Variants in GHRHR observed in about 807,000 individuals in gnomAD.
GHRHR encodes growth hormone releasing hormone receptor, also known as growth hormone-releasing hormone receptor.
In GHRHR, 40 loss-of-function variants were observed where a neutral mutation model predicts 58.3. The observed-to-expected ratio is 0.69, with a 90% CI of 0.53 to 0.89. The LOEUF is 0.89. Among genes scored for constraint, GHRHR ranks in the 40% least tolerant of loss-of-function variants. The pLI is 0.00. For missense variants in GHRHR, 551 were observed against 541.3 expected (o/e 1.02, Z -0.18); for synonymous variants, 249 against 216.6 (o/e 1.15, Z -1.31).
At position 30,975,781 on chromosome 7, in the gene GHRHR, A is replaced by G. The variant is rs1792563852; in HGVS notation, c.887A>G (p.Asn296Ser). The change falls in exon 10 of 13, where the codon AAC becomes AGC. Residue 296 changes from asparagine to serine, a missense_variant. Transcript: ENST00000326139. ...KGPIVLSVGV[N>S]FGLFLNIIRI... is the part of the protein sequence containing the mutation. ...TTCCTATGCCTCTATTTCCAGGTGAACTTTGGGCTTTTTCTCAATATTATC... is the reference window on the plus strand; with the variant it reads ...TTCCTATGCCTCTATTTCCAGGTGAGCTTTGGGCTTTTTCTCAATATTATC... 1.2e-6 allele frequency: 2 copies of G among 1,604,430 alleles called. No individual in the cohort carries two copies.
In GHRHR at chr7:30,974,073, G is replaced by A. The variant is rs1792528665; in HGVS notation, c.686G>A (p.Cys229Tyr). 1 of 1,613,998 alleles carries A rather than the reference G, an allele frequency of 6.2e-7. No homozygotes were observed. The highest frequency in any genetic ancestry group is 8.5e-7 in the Non-Finnish European group (1 of 1,179,982). Residue 229 changes from cysteine (C) to tyrosine (Y), a missense_variant, in exon 7 of 13, where the codon TGC becomes TAC. Cys to Tyr is a radical substitution (Grantham distance 194). Transcript: ENST00000326139. Reference protein sequence around the residue: ...WLLAEAVYLNCLLASTSPSSR... With the variant: ...WLLAEAVYLNYLLASTSPSSR... ...TTGGCAGAAGCCGTCTACCTGAACT[G>A]CCTCCTGGCCTCCACCTCCCCCAGC...
chr7:30,975,724 C>T, intron 9 of GHRHR, 53 bp from the exon 10 acceptor site: 2 of 1,070,944 alleles, frequency 1.9e-6, no homozygotes, highest in Non-Finnish European at 2.9e-6. Flanking sequence ...CCCCAGCCAC[C>T]CAAGGCTACC....
intron 10 of GHRHR, chr7:30,976,070 T>G (rs1584416328): frequency 6.6e-6 from 4 of 609,156 alleles, no homozygotes; most frequent in East Asian, 2.9e-5. Flanking sequence ...CCAGCTCCCA[T>G]GCCAAATAGA....
rs754378932 is a variant in GHRHR, at chr7:30,979,198, C to A, written c.1226C>A (p.Thr409Asn). The A allele has an allele frequency of 1.2e-6, 2 of 1,614,000 alleles. No homozygotes were observed. The highest frequency in any genetic ancestry group is 1.1e-5 in the South Asian group (1 of 91,082). Residue 409 changes from threonine to asparagine, a missense_variant, in exon 13 of 13, where the codon ACC (threonine) becomes AAC (asparagine). Physicochemically the swap from Thr to Asn is moderately conservative, Grantham distance 65. Coordinates refer to ENST00000326139, the MANE Select transcript of GHRHR (RefSeq NM_000823.4). ...LPAWRTRAKW[T>N]TPSRSAAKVL... ...GCCTGGAGGACCCGTGCTAAGTGGA[C>A]CACGCCTTCCCGCTCGGCGGCAAAG... is the stretch of plus-strand genomic sequence containing the variant.
At chr7:30,973,887 A>AG in intron 6 of GHRHR, 98 bp from the exon 7 acceptor site, 2 of 1,212,780 alleles carry the variant, frequency 1.6e-6, no homozygotes, top group Non-Finnish European at 2.4e-6. Flanking sequence ...CCTAACATGG[A>AG]GGGGCCTGGA....
At chr7:30,967,543 C>G (rs1426269944) in intron 1 of GHRHR, among the ~76,000 whole-genome samples, 1 of 152,156 alleles carries the variant, frequency 6.6e-6, no homozygotes, top group Non-Finnish European at 1.5e-5. Context: ...ACACATCCAT[C>G]CTTACACAGC....
intron 11 of GHRHR, 57 bp downstream of exon 11, chr7:30,976,615 G>C: frequency 2.6e-6 from 4 of 1,518,670 alleles, no homozygotes; most frequent in Non-Finnish European, 3.6e-6. Context: ...GGGAGGTGCT[G>C]TTGCCCACGG....
At position 30,974,554 on chromosome 7, in the gene GHRHR, G is replaced by A. The variant is rs140873999; in HGVS notation, c.812+65G>A. ...ACATGGGGTGTGGAGTGGACAGTCA[G>A]GCCATGGGCTGTTCTCCAGGCTGGG... On this transcript the variant is annotated intron_variant, in intron 8 of 12. Transcript: ENST00000326139. 1.2e-3 allele frequency: 1,379 copies of A among 1,120,682 alleles called. 7 individuals carry two copies. The African/African-American group carries it at 0.018, about 15-fold the overall frequency. The allele number at this position is 1,120,682 out of a possible 1,614,324, so 69.4% of individuals were successfully genotyped here. A position where few individuals can be genotyped will look rare whatever the true frequency, so the allele number is the denominator to read the frequency against.
chr7:30,976,358 G>A, intron 10 of GHRHR, 71 bp from the exon 11 acceptor site: 2 of 1,416,354 alleles, frequency 1.4e-6, no homozygotes, highest in South Asian at 1.2e-5. Flanking sequence ...GGTAGGAAGT[G>A]AGAGGAGATG....
At chr7:30,976,284 A>T in intron 10 of GHRHR, 145 bp from the exon 11 acceptor site, 1 of 748,658 alleles carries the variant, frequency 1.3e-6, no homozygotes, top group Non-Finnish European at 2.4e-6. Flanking sequence ...AAAAAAGCCC[A>T]GAGTGATTGT....
At chr7:30,972,145 G>GGATT (rs749974375) in intron 6 of GHRHR, 50 bp downstream of exon 6, 3 of 1,603,886 alleles carry the variant, frequency 1.9e-6, no homozygotes, top group Non-Finnish European at 2.6e-6. Context: ...AGAGGAGGTA[G>GGATT]GATTACAGAC....
chr7:30,973,991 T>C lies in GHRHR; in HGVS notation c.604T>C (p.Cys202Arg). 6.8e-6 allele frequency: 11 copies of C among 1,613,564 alleles called. No homozygotes were observed. Among genetic ancestry groups the C allele is most frequent in the South Asian group, 1.1e-5 (1 of 91,070 alleles). ...TDHCSFSTVL[C>R]KVSVAASHFA... The stretch of plus-strand genomic sequence containing the variant: ...CCCAGGTCCTGGCCCCCAGGTTCTA[T>C]GCAAGGTCTCTGTGGCCGCCTCCCA... The change falls in exon 7 of 13, where the codon TGC becomes CGC. Residue 202 changes from cysteine to arginine, a missense_variant. By Grantham distance (180) the Cys-to-Arg change is radical. Transcript: ENST00000326139.
At chr7:30,973,949 G>A in intron 6 of GHRHR, 36 bp from the exon 7 acceptor site, 10 of 1,608,210 alleles carry the variant, frequency 6.2e-6, no homozygotes, top group East Asian at 2.2e-5. Context: ...TCCAGTGGGT[G>A]TCCCAGCTCT....
intron 7 of GHRHR, 88 bp from the exon 8 acceptor site, chr7:30,974,341 T>G (rs1387147382): frequency 1.8e-6 from 2 of 1,136,932 alleles, no homozygotes; most frequent in South Asian, 2.5e-5. Flanking sequence ...GTGCCCTACG[T>G]GGCTGATGGT....
At chr7:30,970,103 G>A in intron 4 of GHRHR, 139 bp downstream of exon 4, 1 of 719,186 alleles carries the variant, frequency 1.4e-6, no homozygotes, top group Middle Eastern at 3.1e-4. Flanking sequence ...GAGCAGTGAA[G>A]TGTCTGGAGG....
At position 30,979,334 on chromosome 7, in the gene GHRHR, C is replaced by A; in HGVS notation, c.*90C>A. The A allele has an allele frequency of 7.5e-7, 1 of 1,342,222 alleles. No individual in the cohort carries two copies. Among genetic ancestry groups the A allele is most frequent in the Non-Finnish European group, 1.0e-6 (1 of 957,728 alleles). 83.1% of individuals were successfully genotyped at this position (1,342,222 alleles called of 1,614,324 possible). ...TCTGGAGGAGCAAGGGGGCCACATC[C>A]CCACCCCAGCTGTTACCCAGCCCGG... On this transcript the variant is annotated 3_prime_UTR_variant, in exon 13 of 13. Coordinates refer to ENST00000326139, the MANE Select transcript of GHRHR (RefSeq NM_000823.4).
At chr7:30,973,564 GT>G (rs1229736662) in intron 6 of GHRHR, among the ~76,000 whole-genome samples, 1 of 152,134 alleles carries the variant, frequency 6.6e-6, no homozygotes, top group Non-Finnish European at 1.5e-5. Flanking sequence ...GCCTGTGTGT[GT>G]TTTTTGCAAG....
At chr7:30,975,712 C>T (rs898760320) in intron 9 of GHRHR, 65 bp from the exon 10 acceptor site, 3 of 897,192 alleles carry the variant, frequency 3.3e-6, no homozygotes, top group Non-Finnish European at 5.7e-6. Flanking sequence ...GGCTGGGGCT[C>T]ACCCCAGCCA....
At chr7:30,970,658 T>C (rs1423218331) in intron 4 of GHRHR, among the ~76,000 whole-genome samples, 1 of 152,242 alleles carries the variant, frequency 6.6e-6, no homozygotes, top group Admixed American at 6.5e-5. Context: ...GGCTGGACTC[T>C]GACTGATCCA....
Sources: allele counts gnomAD v4.1 joint callset (sites outside exome capture counted in the v4.1 genomes callset), GRCh38; gene constraint gnomAD v4.1.1; transcripts MANE v1.5; gene names NCBI Gene and HGNC (gene_info 2026-07-23, HGNC 2026-07-21).